PCDHA5: variants seen among roughly 807,000 people sequenced by gnomAD.
PCDHA5 encodes the protein protocadherin alpha-5.
A neutral mutation model predicts 61.6 loss-of-function variants in PCDHA5; 43 were observed. The ratio of observed to expected loss-of-function variants is 0.70; its 90% CI spans 0.55 to 0.90. The LOEUF (loss-of-function observed/expected upper bound fraction) is 0.90, where lower values mean the gene tolerates loss of function less well. Among genes scored for constraint, PCDHA5 ranks in the 40% least tolerant of loss-of-function variants. The pLI is 0.00. For synonymous variants in PCDHA5, 627 were observed against 543.9 expected (o/e 1.15, Z -2.13); for missense variants, 1,298 against 1,222.7 (o/e 1.06, Z -0.92).
chr5:140,994,229 A>G (rs1488908759), intron 3 of PCDHA5, among the ~76,000 whole-genome samples: 3 of 152,188 alleles, frequency 2.0e-5, no homozygotes, highest in African/African-American at 7.2e-5. Flanking sequence ...TGTCTATGTT[A>G]TAATCAATTC....
At position 140,823,956 on chromosome 5, in the gene PCDHA5, C is replaced by T. The variant is rs2150130724; in HGVS notation, c.2181C>T (p.Thr727=). The T allele has an allele frequency of 1.9e-6, 3 of 1,613,908 alleles. No individual in the cohort carries two copies. Among genetic ancestry groups the T allele is most frequent in the East Asian group, 2.2e-5 (1 of 44,888 alleles). The change falls in exon 1 of 4, where the codon ACC becomes ACT. Residue 727 remains threonine, a synonymous_variant. Coordinates refer to ENST00000529859, the MANE Select transcript of PCDHA5 (RefSeq NM_018908.3). The part of the protein sequence containing the change: ...YTALRCSAQP[T]EAVCTRGKPT... ...CGCTGCGGTGCTCGGCGCAGCCCAC[C>T]GAGGCCGTGTGCACACGGGGCAAGC...
At chr5:140,828,903 A>C in intron 1 of PCDHA5, 1 of 1,614,256 alleles carries the variant, frequency 6.2e-7, no homozygotes. Flanking sequence ...GATCGGGATG[A>C]AGGAGCGAAT....
chr5:140,838,631 G>T (rs1181187323), intron 1 of PCDHA5, among the ~76,000 whole-genome samples: 2 of 151,888 alleles, frequency 1.3e-5, no homozygotes, highest in Non-Finnish European at 2.9e-5. Context: ...CAAATAATTT[G>T]GTTGGTCAAA....
At chr5:140,854,876 C>A (rs1221945079) in intron 1 of PCDHA5, among the ~76,000 whole-genome samples, 1 of 149,610 alleles carries the variant, frequency 6.7e-6, no homozygotes, top group Non-Finnish European at 1.5e-5. Context: ...AGAACTGTGT[C>A]TTTTGGGCAT....
intron 1 of PCDHA5, chr5:140,875,439 G>C (rs375983329): frequency 3.8e-6 from 6 of 1,569,382 alleles, no homozygotes; most frequent in East Asian, 2.3e-5. Flanking sequence ...CCTTAAAACT[G>C]ATTGTCCCAA....
intron 1 of PCDHA5, among the ~76,000 whole-genome samples, chr5:140,924,565 T>A (rs1213361312): frequency 2.0e-5 from 3 of 152,102 alleles, no homozygotes; most frequent in Admixed American, 2.0e-4. Flanking sequence ...TAATCAGCAA[T>A]TTTTAAATGT....
intron 1 of PCDHA5, chr5:140,850,000 G>T: frequency 3.1e-6 from 5 of 1,597,068 alleles, no homozygotes; most frequent in Non-Finnish European, 3.4e-6. Context: ...TTGGGCGAGC[G>T]CTCGCTGTCG....
chr5:140,821,818 C>A lies in PCDHA5; in HGVS notation c.43C>A (p.Leu15Met), dbSNP rs2150110857. ...RRGSLGSRLLLLWLLLAYWKA... is the reference protein window; with the variant it reads ...RRGSLGSRLLMLWLLLAYWKA... ...AGGAAGTCTGGGATCCCGGCTCCTG[C>A]TGCTCTGGCTTCTCCTTGCCTACTG... Residue 15 changes from leucine to methionine, a missense_variant, in exon 1 of 4, where the codon CTG (leucine) becomes ATG (methionine). Leu to Met is a conservative substitution (Grantham distance 15). Coordinates refer to ENST00000529859, the MANE Select transcript of PCDHA5 (RefSeq NM_018908.3). The A allele has an allele frequency of 6.2e-7, 1 of 1,613,972 alleles. No homozygotes were observed. The highest frequency in any genetic ancestry group is 8.5e-7 in the Non-Finnish European group (1 of 1,179,924).
intron 1 of PCDHA5, among the ~76,000 whole-genome samples, chr5:140,905,871 G>C (rs889363141): frequency 6.6e-6 from 1 of 152,078 alleles, no homozygotes; most frequent in African/African-American, 2.4e-5. Context: ...ACAATCACAA[G>C]GCCCAACAAT....
intron 1 of PCDHA5, among the ~76,000 whole-genome samples, chr5:140,897,430 C>T (rs1297820601): frequency 6.7e-6 from 1 of 148,618 alleles, no homozygotes; most frequent in Non-Finnish European, 1.5e-5. Context: ...TGAGTGAGAA[C>T]ATGCAGTGTT....
chr5:140,870,310 T>G, intron 1 of PCDHA5: 1 of 1,614,122 alleles, frequency 6.2e-7, no homozygotes, highest in South Asian at 1.1e-5. Flanking sequence ...CTTCAAGAAT[T>G]ACTACTCGTT....
At chr5:140,987,997 T>C (rs2097277277) in intron 3 of PCDHA5, among the ~76,000 whole-genome samples, 1 of 152,212 alleles carries the variant, frequency 6.6e-6, no homozygotes, top group African/African-American at 2.4e-5. Flanking sequence ...TCTCTGATCC[T>C]TCCCCAGAAA....
At chr5:140,993,032 G>A (rs1356944264) in intron 3 of PCDHA5, among the ~76,000 whole-genome samples, 2 of 152,286 alleles carry the variant, frequency 1.3e-5, no homozygotes, top group South Asian at 2.1e-4. Flanking sequence ...TGTGGGCTCC[G>A]TGTGTCATCA....
At chr5:140,870,426 C>G (rs574302735) in intron 1 of PCDHA5, 1 of 1,614,208 alleles carries the variant, frequency 6.2e-7, no homozygotes, top group African/African-American at 1.3e-5. Flanking sequence ...CCAGGGTATC[C>G]GTGGAGGTGG....
intron 1 of PCDHA5, chr5:140,876,955 G>A: frequency 6.2e-7 from 1 of 1,613,390 alleles, no homozygotes; most frequent in Non-Finnish European, 8.5e-7. Context: ...CTACTCGCTG[G>A]TGGAGCGGCG....
At chr5:140,877,593 G>A in intron 1 of PCDHA5, 2 of 1,613,854 alleles carry the variant, frequency 1.2e-6, no homozygotes, top group Non-Finnish European at 1.7e-6. Context: ...TCTGTGCGGT[G>A]TCCAGCCTGC....
At chr5:140,836,239 G>A in intron 1 of PCDHA5, 1 of 1,613,796 alleles carries the variant, frequency 6.2e-7, no homozygotes, top group Non-Finnish European at 8.5e-7. Context: ...GCCGGTGCGA[G>A]CATCCCGTTC....
At chr5:140,923,275 C>T (rs1296197801) in intron 1 of PCDHA5, among the ~76,000 whole-genome samples, 1 of 152,128 alleles carries the variant, frequency 6.6e-6, no homozygotes, top group African/African-American at 2.4e-5. Flanking sequence ...CTTGTCTCTA[C>T]AAAAAATTAA....
At chr5:140,870,289 C>G in intron 1 of PCDHA5, 1 of 1,614,214 alleles carries the variant, frequency 6.2e-7, no homozygotes, top group Non-Finnish European at 8.5e-7. Flanking sequence ...TCCCTTCAAG[C>G]TGGTGTCCAC....
Sources: allele counts gnomAD v4.1 joint callset (sites outside exome capture counted in the v4.1 genomes callset), GRCh38; gene constraint gnomAD v4.1.1; transcripts MANE v1.5; gene names NCBI Gene and HGNC (gene_info 2026-07-23, HGNC 2026-07-21).